The following AHNAK variants were observed in gnomAD, a reference collection of about 807,000 sequenced individuals.
AHNAK encodes neuroblast differentiation-associated protein AHNAK.
In AHNAK, 23 loss-of-function variants were observed where a neutral mutation model predicts 37.8. The observed-to-expected ratio is 0.61, with a 90% CI of 0.44 to 0.86. The LOEUF (loss-of-function observed/expected upper bound fraction) is 0.86, where lower values mean the gene tolerates loss of function less well. Ranked by LOEUF, AHNAK falls within the 40% of genes least tolerant of loss-of-function variation. AHNAK has a pLI of 0.00. For missense variants in AHNAK, 7,411 were observed against 7,319.4 expected (o/e 1.01, Z -0.46); for synonymous variants, 2,481 against 2,636.3 (o/e 0.94, Z 1.80).
intron 5 of AHNAK, among the ~76,000 whole-genome samples, chr11:62,489,696 TGCAGCCCTGGAGCTCGGAA>T (rs1302593034): frequency 2.6e-5 from 4 of 151,726 alleles, no homozygotes; most frequent in African/African-American, 4.8e-5. Context: ...AGCCCAGATG[TGCAGCCCTGGAGCTCGGAA>T]GAGAAGCAGG....
intron 5 of AHNAK, among the ~76,000 whole-genome samples, chr11:62,468,971 C>T (rs1002917231): frequency 1.3e-5 from 2 of 152,200 alleles, no homozygotes; most frequent in African/African-American, 4.8e-5. Flanking sequence ...GATTCTAGAA[C>T]TGCAAATAAC....
Position 62,521,313 on chromosome 11 carries a change from G to A in AHNAK, c.13104C>T (p.Leu4368=). The A allele has an allele frequency of 6.2e-7, 1 of 1,611,202 alleles. No homozygotes were observed. The highest frequency in any genetic ancestry group is 8.5e-7 in the Non-Finnish European group (1 of 1,179,108). ...CTGGCATCTTGAACTTTGGACCCTT[G>A]AGTTTTGCATCTGGACCTTCGATAC... ...DVSIEGPDAK[L]KGPKFKMPEM... The change falls in exon 5 of 5, where the codon CTC becomes CTT. Residue 4368 remains leucine, a synonymous_variant. Coordinates refer to ENST00000378024, the MANE Select transcript of AHNAK (RefSeq NM_001620.3).
intron 5 of AHNAK, among the ~76,000 whole-genome samples, chr11:62,461,051 G>A (rs919422148): frequency 1.4e-5 from 2 of 139,562 alleles, no homozygotes; most frequent in African/African-American, 2.7e-5. Context: ...TAGCCAGGAT[G>A]GTCTCAATCT....
At chr11:62,471,262 G>A (rs531779602) in intron 5 of AHNAK, among the ~76,000 whole-genome samples, 2 of 152,252 alleles carry the variant, frequency 1.3e-5, no homozygotes, top group South Asian at 4.1e-4. Context: ...AGGATGTTGA[G>A]GCTACTAGGG....
At chr11:62,434,841 G>A (rs1938123462) in intron 5 of AHNAK, among the ~76,000 whole-genome samples, 1 of 144,186 alleles carries the variant, frequency 6.9e-6, no homozygotes, top group Non-Finnish European at 1.5e-5. Context: ...TAAGGCAGAA[G>A]AATCACTTGA....
rs35477247 is a variant in AHNAK at position 62,436,938 on chromosome 11, C to CA, written c.443-3048dup. Among the ~76,000 whole-genome samples, 78 of 144,520 alleles carry CA rather than the reference C, an allele frequency of 5.4e-4. 1 individual carries two copies. The South Asian group carries it at 0.01, about 19-fold the overall frequency. The allele number at this position is 144,520 out of a possible 152,430, so 94.8% of individuals were successfully genotyped here. On this transcript the variant is annotated intron_variant, in intron 5 of 5. Transcript: ENST00000257247. ...TGGGTGACTGAGCAAGACTCTGTCT[C>CA]AAAAAAAAAAAAAGAAGTATAACAT...
Position 62,523,524 on chromosome 11 carries a change from A to T in AHNAK, c.10893T>A (p.Ile3631=), listed in dbSNP as rs769774507. Residue 3631 remains isoleucine, a synonymous_variant, in exon 5 of 5, where the codon ATT becomes ATA. Transcript: ENST00000378024. Reference sequence around the variant, plus strand: ...CGTCTACATTGGGACCAGAAATGTCAATGTCAGCTTTAGGGAGGGTAACAT... The same window carrying T: ...CGTCTACATTGGGACCAGAAATGTCTATGTCAGCTTTAGGGAGGGTAACAT... ...EVDVTLPKAD[I]DISGPNVDVD... The T allele has an allele frequency of 6.2e-7, 1 of 1,613,958 alleles. No homozygotes were observed. Among genetic ancestry groups the T allele is most frequent in the South Asian group, 1.1e-5 (1 of 91,066 alleles).
Position 62,521,726 on chromosome 11 carries a change from C to T in AHNAK, c.12691G>A (p.Val4231Met). The change falls in exon 5 of 5, where the codon GTG becomes ATG. Residue 4231 changes from valine to methionine, a missense_variant. Transcript: ENST00000378024. The part of the protein sequence containing the change: ...GPKVDIDVPD[V>M]NIEGPDAKLK... ...TTCGCATCTGGACCTTCGATATTCA[C>T]ATCAGGAACATCAATGTCCACCTTG... 6.2e-7 allele frequency: 1 copy of T among 1,613,974 alleles called. No individual in the cohort carries two copies. The highest frequency in any genetic ancestry group is 1.1e-5 in the South Asian group (1 of 91,074).
At chr11:62,459,269 C>G (rs1472408313) in intron 5 of AHNAK, among the ~76,000 whole-genome samples, 2 of 152,142 alleles carry the variant, frequency 1.3e-5, no homozygotes, top group Non-Finnish European at 2.9e-5. Context: ...CAAATCAGAC[C>G]ACAGGGAACT....
chr11:62,521,968 G>A lies in AHNAK; in HGVS notation c.12449C>T (p.Ser4150Phe). 1.2e-6 allele frequency: 2 copies of A among 1,613,504 alleles called. No homozygotes were observed. The highest frequency in any genetic ancestry group is 8.5e-7 in the Non-Finnish European group (1 of 1,179,912). Residue 4150 changes from serine to phenylalanine, a missense_variant, in exon 5 of 5, where the codon TCT (serine) becomes TTT (phenylalanine). Coordinates refer to ENST00000378024, the MANE Select transcript of AHNAK (RefSeq NM_001620.3). ...GAGGTCGCCTTCCACTTTGGGCAGA[G>A]AAACGTCCACGTCGCCCTTCATCTT... ...GPKMKGDVDV[S>F]LPKVEGDLKG...
At chr11:62,535,903 C>T (rs1940930039) in intron 3 of AHNAK, 42 bp downstream of exon 3, 2 of 1,577,818 alleles carry the variant, frequency 1.3e-6, no homozygotes, top group African/African-American at 2.7e-5. Context: ...CCCACCGACC[C>T]CCCAACCACC....
chr11:62,455,860 TC>T (rs200481962), intron 5 of AHNAK, among the ~76,000 whole-genome samples: 1 of 130,014 alleles, frequency 7.7e-6, no homozygotes, highest in African/African-American at 3.0e-5. Flanking sequence ...CAAATCTCCA[TC>T]CCCCCAAAAA....
intron 5 of AHNAK, among the ~76,000 whole-genome samples, chr11:62,476,995 T>C (rs1338799234): frequency 1.3e-5 from 2 of 152,202 alleles, no homozygotes; most frequent in African/African-American, 4.8e-5. Context: ...TCCATGACAA[T>C]GCCCGACCGC....
chr11:62,468,391 T>A (rs1253219157), intron 5 of AHNAK, among the ~76,000 whole-genome samples: 1 of 151,422 alleles, frequency 6.6e-6, no homozygotes, highest in Non-Finnish European at 1.5e-5. Context: ...TATATGGGGA[T>A]TTTATTCACA....
chr11:62,525,836 C>G lies in AHNAK; in HGVS notation c.8581G>C (p.Glu2861Gln). Reference protein sequence around the residue: ...GDVDVTGPKVEGDLKGPEVDL... With the variant: ...GDVDVTGPKVQGDLKGPEVDL... The stretch of plus-strand genomic sequence containing the variant: ...ACTTCAGGACCTTTCAGATCTCCCT[C>G]TACCTTAGGGCCTGTAACATCCACA... The change falls in exon 5 of 5, where the codon GAG becomes CAG. Residue 2861 changes from glutamate (E) to glutamine (Q), a missense_variant. Transcript: ENST00000378024. 6.2e-7 allele frequency: 1 copy of G among 1,614,130 alleles called. No homozygotes were observed. Among genetic ancestry groups the G allele is most frequent in the Non-Finnish European group, 8.5e-7 (1 of 1,180,032 alleles).
chr11:62,479,550 T>G (rs1018182943), intron 5 of AHNAK, among the ~76,000 whole-genome samples: 1 of 152,052 alleles, frequency 6.6e-6, no homozygotes, highest in African/African-American at 2.4e-5. Flanking sequence ...ACCTGAATAT[T>G]TTTGTCAGGC....
In AHNAK at chr11:62,531,698, C is replaced by T. The variant is rs1940755408; in HGVS notation, c.2719G>A (p.Asp907Asn). ...ACACCCACCTTGGGTCCTGAGATGT[C>T]CACATCAGCCTTGGGCAGGTTCACA... Reference protein sequence around the residue: ...VDVNLPKADVDISGPKVGVEV... With the variant: ...VDVNLPKADVNISGPKVGVEV... Residue 907 changes from aspartate (D) to asparagine (N), a missense_variant, in exon 5 of 5, where the codon GAC becomes AAC. Coordinates refer to ENST00000378024, the MANE Select transcript of AHNAK (RefSeq NM_001620.3). The T allele has an allele frequency of 1.2e-6, 2 of 1,614,200 alleles. No individual in the cohort carries two copies. The highest frequency in any genetic ancestry group is 4.5e-5 in the East Asian group (2 of 44,882).
In AHNAK at chr11:62,520,169, G is replaced by T; in HGVS notation, c.14248C>A (p.Leu4750Ile). The T allele has an allele frequency of 6.2e-7, 1 of 1,613,112 alleles. No homozygotes were observed. The highest frequency in any genetic ancestry group is 8.5e-7 in the Non-Finnish European group (1 of 1,179,832). ...DVTLPKVEGD[L>I]KGPEADIKGP... ...TTGATGTCAGCTTCTGGGCCCTTGA[G>T]GTCACCTTCCACTTTAGGAAGGGTA... The change falls in exon 5 of 5, where the codon CTC (leucine) becomes ATC (isoleucine). Residue 4750 changes from leucine (L) to isoleucine (I), a missense_variant. Transcript: ENST00000378024.
chr11:62,496,773 C>T (rs574324037), intron 4 of AHNAK, among the ~76,000 whole-genome samples: 5 of 149,260 alleles, frequency 3.3e-5, no homozygotes, highest in Non-Finnish European at 7.4e-5. Context: ...CCAGCCTGAG[C>T]AGCAGAGGGA....
Sources: allele counts gnomAD v4.1 joint callset (sites outside exome capture counted in the v4.1 genomes callset), GRCh38; gene constraint gnomAD v4.1.1; transcripts MANE v1.5; gene names NCBI Gene and HGNC (gene_info 2026-07-23, HGNC 2026-07-21).